The following KCNIP4 variants were observed in gnomAD, a reference collection of about 807,000 sequenced individuals.
KCNIP4 encodes the protein potassium voltage-gated channel interacting protein 4, also known as Kv channel-interacting protein 4.
KCNIP4 carries 12 observed loss-of-function variants against 34.0 expected under a neutral mutation model. The ratio of observed to expected loss-of-function variants is 0.35; its 90% CI spans 0.23 to 0.57. The LOEUF (loss-of-function observed/expected upper bound fraction) is 0.57, where lower values mean the gene tolerates loss of function less well. KCNIP4 is among the 20% of genes least tolerant of loss of function. The probability of loss-of-function intolerance (pLI) is 0.83; values close to 1 mark genes in which losing one functional copy is unlikely to be tolerated. For missense variants in KCNIP4, 238 were observed against 311.7 expected, an observed-to-expected ratio of 0.76 and a Z score of 1.78; for synonymous variants, 124 against 102.2, an observed-to-expected ratio of 1.21 and a Z score of -1.29.
rs150555436 is a variant in KCNIP4 at position 21,789,236 on chromosome 4, T to C, written c.61+159335A>G. On this transcript the variant is annotated intron_variant, in intron 1 of 8. Coordinates refer to ENST00000382152, the MANE Select transcript of KCNIP4 (RefSeq NM_025221.6). ...TTCATGCCACCTCCCACAGAGGATTTTAAGAAATCTTAGTTGTATAAATTT... is the reference window on the plus strand; with the variant it reads ...TTCATGCCACCTCCCACAGAGGATTCTAAGAAATCTTAGTTGTATAAATTT... Among the ~76,000 whole-genome samples, 195 of 152,314 alleles carry C rather than the reference T, an allele frequency of 1.3e-3. 1 individual carries two copies. Among genetic ancestry groups the C allele is most frequent in the African/African-American group, 4.4e-3 (182 of 41,572 alleles).
At chr4:21,763,105 C>G in intron 1 of KCNIP4, 5 of 1,288,004 alleles carry the variant, frequency 3.9e-6, no homozygotes, top group Non-Finnish European at 4.0e-6. Context: ...TTCCTAACAA[C>G]GAGCACAGGT....
At chr4:21,558,678 G>A (rs1049962284) in intron 1 of KCNIP4, among the ~76,000 whole-genome samples, 6 of 152,054 alleles carry the variant, frequency 3.9e-5, no homozygotes, top group Non-Finnish European at 7.3e-5. Flanking sequence ...AGGCTATCAG[G>A]AGCATCTAGT....
chr4:21,394,316 T>G (rs1355553161), intron 1 of KCNIP4, among the ~76,000 whole-genome samples: 1 of 152,140 alleles, frequency 6.6e-6, no homozygotes, highest in Non-Finnish European at 1.5e-5. Flanking sequence ...TTTTCTCACT[T>G]CTTCGGGGGA....
chr4:20,764,267 T>G (rs1185470435), intron 3 of KCNIP4, among the ~76,000 whole-genome samples: 1 of 152,144 alleles, frequency 6.6e-6, no homozygotes, highest in Non-Finnish European at 1.5e-5. Context: ...TAAGCATATA[T>G]ACCGTAGAAA....
At chr4:20,773,904 C>T (rs1756135394) in intron 3 of KCNIP4, among the ~76,000 whole-genome samples, 1 of 152,236 alleles carries the variant, frequency 6.6e-6, no homozygotes. Context: ...ACTTGTAGAT[C>T]TTAGAAAACA....
At chr4:21,229,878 T>C (rs538403939) in intron 1 of KCNIP4, among the ~76,000 whole-genome samples, 3 of 152,290 alleles carry the variant, frequency 2.0e-5, no homozygotes, top group African/African-American at 7.2e-5. Flanking sequence ...GTAATCTACT[T>C]GTTGTATACA....
At chr4:20,928,246 T>C (rs2149596597) in intron 1 of KCNIP4, among the ~76,000 whole-genome samples, 2 of 150,890 alleles carry the variant, frequency 1.3e-5, no homozygotes, top group East Asian at 3.9e-4. Flanking sequence ...GATAGTTTCT[T>C]TTTTTTTTTG....
chr4:21,911,647 C>G (rs1453750780), intron 1 of KCNIP4, among the ~76,000 whole-genome samples: 1 of 125,514 alleles, frequency 8.0e-6, no homozygotes, highest in Admixed American at 8.3e-5. Flanking sequence ...CACACACACA[C>G]ACACACACAG....
chr4:21,081,131 CTGA>C (rs1745969708), intron 1 of KCNIP4, among the ~76,000 whole-genome samples: 1 of 151,636 alleles, frequency 6.6e-6, no homozygotes, highest in Admixed American at 6.6e-5. Context: ...ACTGTGGGGA[CTGA>C]ATTTTAGTAC....
intron 1 of KCNIP4, among the ~76,000 whole-genome samples, chr4:21,519,470 GTGTA>G (rs1275714779): frequency 7.4e-5 from 3 of 40,294 alleles, no homozygotes; most frequent in African/African-American, 2.1e-4. Context: ...ATGTGTGTAT[GTGTA>G]TGTGTATATA....
intron 1 of KCNIP4, among the ~76,000 whole-genome samples, chr4:21,232,416 T>TA (rs1343946488): frequency 6.6e-6 from 1 of 152,146 alleles, no homozygotes; most frequent in African/African-American, 2.4e-5. Flanking sequence ...AGGAATTCAA[T>TA]AAAAGAAATT....
intron 1 of KCNIP4, among the ~76,000 whole-genome samples, chr4:20,954,845 G>A (rs989986385): frequency 2.0e-5 from 3 of 152,104 alleles, no homozygotes; most frequent in South Asian, 2.1e-4. Context: ...CCATGGTTTG[G>A]GTCGTGTAAT....
At chr4:21,748,207 A>G (rs1486110230) in intron 1 of KCNIP4, among the ~76,000 whole-genome samples, 1 of 152,144 alleles carries the variant, frequency 6.6e-6, no homozygotes, top group East Asian at 1.9e-4. Flanking sequence ...CTGTCCCTTT[A>G]TATTGAGGCA....
intron 1 of KCNIP4, among the ~76,000 whole-genome samples, chr4:21,882,868 G>A (rs1726537120): frequency 6.6e-6 from 1 of 152,090 alleles, no homozygotes; most frequent in Non-Finnish European, 1.5e-5. Flanking sequence ...ATTGCCATGT[G>A]AGCTTCTGAG....
intron 1 of KCNIP4, among the ~76,000 whole-genome samples, chr4:21,108,599 A>G (rs1287446004): frequency 6.6e-6 from 1 of 151,668 alleles, no homozygotes; most frequent in Non-Finnish European, 1.5e-5. Context: ...CTCTCAACTT[A>G]TCAAAGTCAT....
At chr4:20,951,490 T>G (rs942160861) in intron 1 of KCNIP4, among the ~76,000 whole-genome samples, 1 of 152,190 alleles carries the variant, frequency 6.6e-6, no homozygotes, top group African/African-American at 2.4e-5. Context: ...AAGTAAAAGA[T>G]ATTTTTTAAG....
intron 1 of KCNIP4, among the ~76,000 whole-genome samples, chr4:21,237,832 C>G (rs1402840082): frequency 6.6e-6 from 1 of 152,160 alleles, no homozygotes; most frequent in East Asian, 1.9e-4. Flanking sequence ...CCTTCTGAAA[C>G]TATTCCAATC....
chr4:21,167,326 T>C (rs1342426768), intron 1 of KCNIP4, among the ~76,000 whole-genome samples: 3 of 152,222 alleles, frequency 2.0e-5, no homozygotes, highest in Non-Finnish European at 4.4e-5. Flanking sequence ...ATACTTTAAA[T>C]ATGTACAATT....
chr4:21,638,248 T>C (rs1746365998), intron 1 of KCNIP4, among the ~76,000 whole-genome samples: 2 of 152,154 alleles, frequency 1.3e-5, no homozygotes, highest in Middle Eastern at 3.2e-3. Flanking sequence ...AGGCCAATCA[T>C]GATTCATCAG....
Sources: gnomAD v4.1 joint callset for allele counts (sites outside exome capture counted in the v4.1 genomes callset) on GRCh38, gnomAD v4.1.1 for gene constraint, MANE v1.5 for transcripts, NCBI Gene and HGNC (gene_info 2026-07-23, HGNC 2026-07-21) for gene names.